SLF1: variants seen among roughly 807,000 people sequenced by gnomAD.
SLF1 encodes the protein SMC5-SMC6 complex localization factor protein 1.
In SLF1, 105 loss-of-function variants were observed where a neutral mutation model predicts 123.0. The observed-to-expected ratio is 0.85, with a 90% CI of 0.73 to 1.00. The LOEUF is 1.00. Among genes scored for constraint, SLF1 ranks in the 50% least tolerant of loss-of-function variants. The pLI is 0.00. For synonymous variants in SLF1, 434 were observed against 406.6 expected, an observed-to-expected ratio of 1.07 and a Z score of -0.81; for missense variants, 1,239 against 1,223.0, an observed-to-expected ratio of 1.01 and a Z score of -0.20.
At chr5:94,663,674 A>G in intron 10 of SLF1, 76 bp from the exon 11 acceptor site, 1 of 1,146,424 alleles carries the variant, frequency 8.7e-7, no homozygotes, top group Non-Finnish European at 1.2e-6. Flanking sequence ...TAAATAATAA[A>G]TTCTTACTAA....
chr5:94,683,375 A>T (rs1008857692), intron 15 of SLF1, among the ~76,000 whole-genome samples: 8 of 152,200 alleles, frequency 5.3e-5, no homozygotes, highest in African/African-American at 1.7e-4. Flanking sequence ...TATACAGTGG[A>T]AGAAGTAAAC....
intron 12 of SLF1, among the ~76,000 whole-genome samples, chr5:94,667,444 A>C (rs1239959079): frequency 6.6e-6 from 1 of 152,114 alleles, no homozygotes; most frequent in Non-Finnish European, 1.5e-5. Context: ...TAGCTGCTTT[A>C]TTGATCTTGG....
Position 94,691,617 on chromosome 5 carries a change from C to A in SLF1, c.2473C>A (p.Leu825Ile), listed in dbSNP as rs775722366. The A allele has an allele frequency of 2.7e-5, 44 of 1,611,468 alleles. 2 individuals are homozygous for A. The South Asian group carries it at 3.6e-4, about 13-fold the overall frequency. Residue 825 changes from leucine (L) to isoleucine (I), a missense_variant, in exon 19 of 21, where the codon CTT becomes ATT. Transcript: ENST00000265140. The part of the protein sequence containing the change: ...CINNQVEKLI[L>I]LLSLPGIDIN... ...AAATAACCAAGTGGAGAAATTGATT[C>A]TTCTTCTCTCTTTGCCAGGAATAGA...
chr5:94,641,129 G>C (rs1746392268), intron 4 of SLF1, among the ~76,000 whole-genome samples: 1 of 152,178 alleles, frequency 6.6e-6, no homozygotes. Context: ...GGGTGATTGA[G>C]TTAATCTTGT....
chr5:94,683,861 C>T (rs1358134303), intron 15 of SLF1, among the ~76,000 whole-genome samples: 1 of 152,220 alleles, frequency 6.6e-6, no homozygotes, highest in African/African-American at 2.4e-5. Context: ...ACTGTTCATT[C>T]ATTCATCTGT....
In SLF1 at chr5:94,692,177, A is replaced by G. The variant is rs150223456; in HGVS notation, c.2616A>G (p.Gln872=). ...GTCCAGAGGTAGATCTGCTCACTCA[A>G]GTGGACGGGGTGACTCCTTTGCATG... ...QRCPEVDLLT[Q]VDGVTPLHDA... is the part of the protein sequence containing the mutation. The change falls in exon 20 of 21, where the codon CAA becomes CAG. Residue 872 remains glutamine (Q), a synonymous_variant. Transcript: ENST00000265140. 15 of 1,613,784 alleles carry G rather than the reference A, an allele frequency of 9.3e-6. No individual in the cohort carries two copies. The African/African-American group carries it at 1.9e-4, about 20-fold the overall frequency.
chr5:94,621,142 T>C (rs1356421491), intron 1 of SLF1, among the ~76,000 whole-genome samples: 1 of 152,214 alleles, frequency 6.6e-6, no homozygotes, highest in East Asian at 1.9e-4. Flanking sequence ...TTCTTTCACT[T>C]AATGTATCTT....
rs1159739733 is a variant in SLF1, at chr5:94,696,104, A to T, written c.*792A>T. The stretch of plus-strand genomic sequence containing the variant: ...ATTATTTAAGATCTTAATATATAGT[A>T]TGAATTTACTGAGTAGTAATGTTTT... On this transcript the variant is annotated 3_prime_UTR_variant, in exon 21 of 21. Coordinates refer to ENST00000265140, the MANE Select transcript of SLF1 (RefSeq NM_032290.4). The T allele has an allele frequency of 6.6e-6, 1 of 151,818 alleles. No homozygotes were observed. Among genetic ancestry groups the T allele is most frequent in the East Asian group, 1.9e-4 (1 of 5,174 alleles). The allele number at this position is 151,818 out of a possible 1,614,324, so 9.4% of individuals were successfully genotyped here. A position where few individuals can be genotyped will look rare whatever the true frequency, so the allele number is the denominator to read the frequency against.
chr5:94,665,396 C>T (rs1484930912), intron 11 of SLF1, among the ~76,000 whole-genome samples: 2 of 152,044 alleles, frequency 1.3e-5, no homozygotes, highest in East Asian at 1.9e-4. Flanking sequence ...ATTTAATTAG[C>T]TAAACATGAT....
intron 1 of SLF1, among the ~76,000 whole-genome samples, chr5:94,622,395 A>G (rs1791877207): frequency 6.6e-6 from 1 of 152,188 alleles, no homozygotes; most frequent in African/African-American, 2.4e-5. Context: ...CTGAGAAACC[A>G]CTAGTTTTCA....
chr5:94,657,196 C>G (rs13358642), intron 9 of SLF1, among the ~76,000 whole-genome samples: 29,296 of 151,460 alleles, frequency 0.19, 3,644 homozygotes, highest in Non-Finnish European at 0.29. Flanking sequence ...ATAAATGTGC[C>G]TTTTAGCACT....
chr5:94,665,428 T>C (rs1749631475), intron 11 of SLF1, among the ~76,000 whole-genome samples: 1 of 152,112 alleles, frequency 6.6e-6, no homozygotes, highest in African/African-American at 2.4e-5. Context: ...CTCTCCTTTG[T>C]CTAAACACGT....
At position 94,643,303 on chromosome 5, in the gene SLF1, T is replaced by G; in HGVS notation, c.462T>G (p.Ile154Met). The G allele has an allele frequency of 6.5e-7, 1 of 1,541,770 alleles. No individual in the cohort carries two copies. The highest frequency in any genetic ancestry group is 8.7e-7 in the Non-Finnish European group (1 of 1,143,206). ...RVLEAGKANV[I>M]LPKSSPSGIT... is the part of the protein sequence containing the mutation. ...TGGAGGCTGGAAAGGCAAATGTTATTTTACCAAAAAGTTCACCAAGTGGAA... is the reference window on the plus strand; with the variant it reads ...TGGAGGCTGGAAAGGCAAATGTTATGTTACCAAAAAGTTCACCAAGTGGAA... The change falls in exon 5 of 21, where the codon ATT becomes ATG. Residue 154 changes from isoleucine (I) to methionine (M), a missense_variant. Transcript: ENST00000265140.
intron 8 of SLF1, 75 bp downstream of exon 8, chr5:94,653,496 T>A: frequency 8.1e-7 from 1 of 1,240,264 alleles, no homozygotes; most frequent in South Asian, 1.6e-5. Flanking sequence ...AGATATATAA[T>A]GCTACATGTT....
At chr5:94,621,510 C>T (rs1791784394) in intron 1 of SLF1, among the ~76,000 whole-genome samples, 1 of 152,132 alleles carries the variant, frequency 6.6e-6, no homozygotes, top group African/African-American at 2.4e-5. Flanking sequence ...TCTAAGTAAA[C>T]CAAATTTCCT....
intron 15 of SLF1, among the ~76,000 whole-genome samples, chr5:94,683,196 T>C (rs958967238): frequency 2.6e-5 from 4 of 152,216 alleles, no homozygotes; most frequent in African/African-American, 9.6e-5. Context: ...CAAACCTTTA[T>C]TCACTTTTGC....
At chr5:94,684,575 C>G (rs1340312887) in intron 15 of SLF1, among the ~76,000 whole-genome samples, 7 of 151,468 alleles carry the variant, frequency 4.6e-5, no homozygotes, top group Admixed American at 4.0e-4. Flanking sequence ...GCGAGCACCT[C>G]TAGTCCCAGC....
chr5:94,654,637 T>C lies in SLF1; in HGVS notation c.1040T>C (p.Met347Thr). 4 of 1,536,906 alleles carry C rather than the reference T, an allele frequency of 2.6e-6. No individual in the cohort carries two copies. Among genetic ancestry groups the C allele is most frequent in the Non-Finnish European group, 3.5e-6 (4 of 1,139,912 alleles). The change falls in exon 9 of 21, where the codon ATG (methionine) becomes ACG (threonine). Residue 347 changes from methionine to threonine, a missense_variant. By Grantham distance (81) the Met-to-Thr change is moderately conservative (BLOSUM62 -1). Transcript: ENST00000265140. ...RHIYNRDQKE[M>T]KNSIFAEYAK... ...TTACTTTGCTATATGCAGAAAGAAA[T>C]GAAGAATTCTATTTTTGCTGAATAT...
chr5:94,646,019 G>A (rs1262033367), intron 5 of SLF1, among the ~76,000 whole-genome samples: 1 of 152,188 alleles, frequency 6.6e-6, no homozygotes. Context: ...GGGAAGCTGA[G>A]GCAGGAGGAT....
Sources: allele counts gnomAD v4.1 joint callset (sites outside exome capture counted in the v4.1 genomes callset), GRCh38; gene constraint gnomAD v4.1.1; transcripts MANE v1.5; gene names NCBI Gene and HGNC (gene_info 2026-07-23, HGNC 2026-07-21).